Variants in ANKRD24 observed in about 807,000 individuals in gnomAD.
ANKRD24 encodes the protein ankyrin repeat domain-containing protein 24.
Under a neutral mutation model 127.8 loss-of-function variants are expected in ANKRD24, and 109 were observed. The ratio of observed to expected loss-of-function variants is 0.85; its 90% CI spans 0.73 to 1.00. The LOEUF is 1.00. Among genes scored for constraint, ANKRD24 ranks in the 50% least tolerant of loss-of-function variants. The pLI, the probability that ANKRD24 is intolerant of heterozygous loss-of-function variation, is 0.00. For missense variants in ANKRD24, 1,648 were observed against 1,570.2 expected, an observed-to-expected ratio of 1.05 and a Z score of -0.84; for synonymous variants, 743 against 671.1, an observed-to-expected ratio of 1.11 and a Z score of -1.66.
chr19:4,190,627 G>A (rs1404681039), intron 2 of ANKRD24, among the ~76,000 whole-genome samples: 1 of 152,060 alleles, frequency 6.6e-6, no homozygotes, highest in Non-Finnish European at 1.5e-5. Flanking sequence ...CAGCTACTCA[G>A]GAGGCTGAGG....
rs117880939 is a variant in ANKRD24 at position 4,187,576 on chromosome 19, C to T, written c.36+1115C>T. Among the ~76,000 whole-genome samples, 6 of 152,318 alleles carry T rather than the reference C, an allele frequency of 3.9e-5. No individual in the cohort carries two copies. In the East Asian group the frequency reaches 1.2e-3, roughly 29 times the overall value. The stretch of plus-strand genomic sequence containing the variant: ...TATGAACTCCTAGAAAGACATGCTT[C>T]TTCCTCCATTGTCCCCATTCTTCTC... On this transcript the variant is annotated intron_variant, in intron 2 of 21. Transcript: ENST00000318934.
chr19:4,198,957 T>G lies in ANKRD24; in HGVS notation c.37-726T>G, dbSNP rs968064570. Among the ~76,000 whole-genome samples, 1 of 152,098 alleles carries G rather than the reference T, an allele frequency of 6.6e-6. No homozygotes were observed. Among genetic ancestry groups the G allele is most frequent in the Non-Finnish European group, 1.5e-5 (1 of 68,024 alleles). ...AGGATATTTTTGGGACATGACGGTATCATTGGGAAGGATGGTTTTACAGAA... is the reference window on the plus strand; with the variant it reads ...AGGATATTTTTGGGACATGACGGTAGCATTGGGAAGGATGGTTTTACAGAA... On this transcript the variant is annotated intron_variant, in intron 2 of 21. Coordinates refer to ENST00000318934, the MANE Select transcript of ANKRD24 (RefSeq NM_001393985.1). This position sits in a 1 kb window ranked among gnomAD's most constrained non-coding sequence, Gnocchi z 6.1.
At chr19:4,206,014 C>T (rs1389953709) in intron 7 of ANKRD24, among the ~76,000 whole-genome samples, 7 of 133,330 alleles carry the variant, frequency 5.3e-5, no homozygotes, top group South Asian at 4.8e-4. Flanking sequence ...TGGTGGCGGG[C>T]GCCTGTAGTC....
rs1308104828 is a variant in ANKRD24, at chr19:4,195,721, C to T, written c.37-3962C>T. Among the ~76,000 whole-genome samples the T allele has an allele frequency of 6.6e-6, 1 of 152,086 alleles. No individual in the cohort carries two copies. Among genetic ancestry groups the T allele is most frequent in the Admixed American group, 6.6e-5 (1 of 15,250 alleles). ...ACCAGCCTGGCCAACATGACAAAAC[C>T]CCGTCTCTACTAAAATACAAAAATT... On this transcript the variant is annotated intron_variant, in intron 2 of 21. Transcript: ENST00000318934. The surrounding 1 kb of genome is among the most constrained non-coding windows in gnomAD (Gnocchi z 4.2).
intron 15 of ANKRD24, among the ~76,000 whole-genome samples, chr19:4,212,914 C>T (rs867823819): frequency 2.6e-5 from 4 of 152,174 alleles, no homozygotes; most frequent in South Asian, 2.1e-4. Flanking sequence ...GGGCGGATCA[C>T]GAGGTCAGGA....
chr19:4,223,031 C>T (rs1294367637), intron 20 of ANKRD24, among the ~76,000 whole-genome samples: 1 of 151,438 alleles, frequency 6.6e-6, no homozygotes. Context: ...CTGCAGCCTC[C>T]ACCTTCCGGG....
Position 4,189,397 on chromosome 19 carries a change from C to A in ANKRD24, c.36+2936C>A, listed in dbSNP as rs188786314. Among the ~76,000 whole-genome samples, 41 of 151,596 alleles carry A rather than the reference C, an allele frequency of 2.7e-4. 1 individual carries two copies. On this transcript the variant is annotated intron_variant, in intron 2 of 21. Coordinates refer to ENST00000318934, the MANE Select transcript of ANKRD24 (RefSeq NM_001393985.1). ...TCCCAAGTAGGTGGGACTACAGGCA[C>A]GCACTACCACGCCCAGCAATTTTTT...
At chr19:4,185,011 G>C (rs111067229) in intron 1 of ANKRD24, among the ~76,000 whole-genome samples, 8,402 of 146,982 alleles carry the variant, frequency 0.057, 626 homozygotes, top group East Asian at 0.17. Context: ...TGGTTGGGTG[G>C]GTGGATGGAG....
At position 4,217,772 on chromosome 19, in the gene ANKRD24, C is replaced by T; in HGVS notation, c.2612C>T (p.Ala871Val). The change falls in exon 18 of 22, where the codon GCC becomes GTC. Residue 871 changes from alanine (A) to valine (V), a missense_variant. Transcript: ENST00000318934. ...ACGGGGGAGCAGCAGCGCACGGCGG[C>T]CGCGGAACTGGGCCGGGCACGGGAC... ...RATGEQQRTA[A>V]AELGRARDAA... 2 of 1,306,290 alleles carry T rather than the reference C, an allele frequency of 1.5e-6. No individual in the cohort carries two copies. The highest frequency in any genetic ancestry group is 1.9e-6 in the Non-Finnish European group (2 of 1,031,274). 80.9% of individuals were successfully genotyped at this position (1,306,290 alleles called of 1,614,324 possible). A position where few individuals can be genotyped will look rare whatever the true frequency, so the allele number is the denominator to read the frequency against.
chr19:4,219,462 C>T (rs1018047836), intron 18 of ANKRD24, 129 bp from the exon 19 acceptor site: 13 of 1,081,328 alleles, frequency 1.2e-5, no homozygotes, highest in Non-Finnish European at 1.7e-5. Flanking sequence ...TCCGGAGCAA[C>T]AGAGCAAGAC....
In ANKRD24 at chr19:4,210,158, CGGGAGGAGGCAT is replaced by C; in HGVS notation, c.951+24_951+35del. 6.3e-7 allele frequency: 1 copy of C among 1,593,268 alleles called. No homozygotes were observed. The highest frequency in any genetic ancestry group is 8.5e-7 in the Non-Finnish European group (1 of 1,170,224). Reference sequence around the variant, plus strand: ...ATGCCGGTGAGAGATGCTCTGGGCACGGGAGGAGGCATGGGGAGCCCCCAGGCACGGGGAGGG... The same window carrying C: ...ATGCCGGTGAGAGATGCTCTGGGCACGGGGAGCCCCCAGGCACGGGGAGGG... On this transcript the variant is annotated intron_variant, in intron 12 of 21. Transcript: ENST00000318934.
chr19:4,217,459 C>A lies in ANKRD24; in HGVS notation c.2299C>A (p.Arg767Ser), dbSNP rs901213951. Residue 767 changes from arginine (R) to serine (S), a missense_variant, in exon 18 of 22, where the codon CGT becomes AGT. Physicochemically the swap from Arg to Ser is moderately radical, Grantham distance 110. Coordinates refer to ENST00000318934, the MANE Select transcript of ANKRD24 (RefSeq NM_001393985.1). ...GGCCGAGGCAGGCCGGCTGCGAGAGCGTGTCCGCGAGGCCGAGGGCAGCGG... is the reference window on the plus strand; with the variant it reads ...GGCCGAGGCAGGCCGGCTGCGAGAGAGTGTCCGCGAGGCCGAGGGCAGCGG... ...AEAEAGRLRE[R>S]VREAEGSGAS... 4 of 1,499,572 alleles carry A rather than the reference C, an allele frequency of 2.7e-6. No individual in the cohort carries two copies. Among genetic ancestry groups the A allele is most frequent in the Non-Finnish European group, 8.9e-7 (1 of 1,127,656 alleles). 92.9% of individuals were successfully genotyped at this position (1,499,572 alleles called of 1,614,324 possible).
chr19:4,223,336 G>A (rs1366875817), intron 20 of ANKRD24, among the ~76,000 whole-genome samples: 1 of 142,424 alleles, frequency 7.0e-6, no homozygotes, highest in South Asian at 2.2e-4. Flanking sequence ...GCCTCAAGCA[G>A]TTCTCCACCT....
At chr19:4,205,251 C>T (rs2145313224) in intron 7 of ANKRD24, among the ~76,000 whole-genome samples, 1 of 152,186 alleles carries the variant, frequency 6.6e-6, no homozygotes, top group East Asian at 1.9e-4. Context: ...ACCAACCAAC[C>T]AACAACAACA....
intron 19 of ANKRD24, among the ~76,000 whole-genome samples, chr19:4,220,885 A>C (rs1020496528): frequency 1.6e-4 from 23 of 146,288 alleles, no homozygotes; most frequent in African/African-American, 5.6e-4. Context: ...TCTTCCTGCA[A>C]CGCTAAAAGC....
In ANKRD24 at chr19:4,199,714, G is replaced by A. The variant is rs1346538166; in HGVS notation, c.68G>A (p.Cys23Tyr). The change falls in exon 3 of 22, where the codon TGC becomes TAC. Residue 23 changes from cysteine to tyrosine, a missense_variant. Physicochemically the swap from Cys to Tyr is radical, Grantham distance 194 (BLOSUM62 -2). Transcript: ENST00000318934. This position sits in a 1 kb window ranked among gnomAD's most constrained non-coding sequence, Gnocchi z 5.2. ...CTCAGCCCCACTGACCTTGGCTCCT[G>A]CCCGCCCTGCGGCCCCTGCCCCATC... ...LRLSPTDLGSCPPCGPCPIPK... is the reference protein window; with the variant it reads ...LRLSPTDLGSYPPCGPCPIPK... 1.3e-6 allele frequency: 2 copies of A among 1,538,372 alleles called. No individual in the cohort carries two copies. Among genetic ancestry groups the A allele is most frequent in the Non-Finnish European group, 8.7e-7 (1 of 1,145,002 alleles).
At position 4,198,421 on chromosome 19, in the gene ANKRD24, T is replaced by C; in HGVS notation, c.37-1262T>C. ...CCCGCCCTCCGGCCGCTCCCCGCGGTCCCTCCAGACCCTCTGGCCGCCGCC... is the reference window on the plus strand; with the variant it reads ...CCCGCCCTCCGGCCGCTCCCCGCGGCCCCTCCAGACCCTCTGGCCGCCGCC... On this transcript the variant is annotated intron_variant, in intron 2 of 21. Coordinates refer to ENST00000318934, the MANE Select transcript of ANKRD24 (RefSeq NM_001393985.1). The surrounding 1 kb of genome is among the most constrained non-coding windows in gnomAD (Gnocchi z 6.1). 1 of 499,880 alleles carries C rather than the reference T, an allele frequency of 2.0e-6. No individual in the cohort carries two copies. The highest frequency in any genetic ancestry group is 3.6e-6 in the Non-Finnish European group (1 of 281,286). The allele number at this position is 499,880 out of a possible 1,614,324, so 31.0% of individuals were successfully genotyped here. A position where few individuals can be genotyped will look rare whatever the true frequency, so the allele number is the denominator to read the frequency against.
At position 4,202,917 on chromosome 19, in the gene ANKRD24, C is replaced by T; in HGVS notation, c.457C>T (p.His153Tyr). 1 of 1,577,780 alleles carries T rather than the reference C, an allele frequency of 6.3e-7. No homozygotes were observed. The highest frequency in any genetic ancestry group is 8.6e-7 in the Non-Finnish European group (1 of 1,162,108). Residue 153 changes from histidine to tyrosine, a missense_variant, in exon 7 of 22, where the codon CAC (histidine) becomes TAC (tyrosine). His to Tyr is a moderately conservative substitution (Grantham distance 83). Transcript: ENST00000318934. Reference sequence around the variant, plus strand: ...GGACAGCAGCGGGTGGACTGCCCTACACCATGCAGGTGGGTGCAGCCCAGC... The same window carrying T: ...GGACAGCAGCGGGTGGACTGCCCTATACCATGCAGGTGGGTGCAGCCCAGC... ...VVDSSGWTAL[H>Y]HAAAGGCLSC...
At chr19:4,200,058 C>A in intron 4 of ANKRD24, 25 bp from the exon 5 acceptor site, 1 of 1,571,982 alleles carries the variant, frequency 6.4e-7, no homozygotes, top group Non-Finnish European at 8.6e-7. Flanking sequence ...AACCTTGCGG[C>A]TGAACCCTTG....
Sources: allele counts gnomAD v4.1 joint callset (sites outside exome capture counted in the v4.1 genomes callset), GRCh38; gene constraint gnomAD v4.1.1; non-coding constraint Gnocchi (gnomAD v3.1); transcripts MANE v1.5; gene names NCBI Gene and HGNC (gene_info 2026-07-23, HGNC 2026-07-21).